ANGPT1: variants seen among roughly 807,000 people sequenced by gnomAD.
ANGPT1 encodes the protein angiopoietin 1, also known as angiopoietin-1.
In ANGPT1, 17 loss-of-function variants were observed where a neutral mutation model predicts 62.2. The ratio of observed to expected loss-of-function variants is 0.27; its 90% CI spans 0.19 to 0.41. ANGPT1 has a LOEUF of 0.41. ANGPT1 is among the 10% of genes least tolerant of loss of function. ANGPT1 has a pLI of 1.00. For synonymous variants in ANGPT1, 199 were observed against 198.9 expected, an observed-to-expected ratio of 1.00 and a Z score of 0.00; for missense variants, 478 against 594.9, an observed-to-expected ratio of 0.80 and a Z score of 2.04.
At position 107,284,707 on chromosome 8, in the gene ANGPT1, T is replaced by C. The variant is rs1317915972; in HGVS notation, c.1180A>G (p.Ile394Val). ...RAYSQYDRFHIGNEKQNYRLY... is the reference protein window; with the variant it reads ...RAYSQYDRFHVGNEKQNYRLY... ...CTATAGTTTTGCTTTTCATTTCCTA[T>C]GTGGAATCTGTCATACTGTGAATAG... Residue 394 changes from isoleucine (I) to valine (V), a missense_variant, in exon 7 of 9, where the codon ATA becomes GTA. Ile to Val is a conservative substitution (Grantham distance 29, BLOSUM62 3). Around this residue, in one of 4 missense-constraint regions of ANGPT1, gnomAD observed 81 missense variants for 117.1 expected, o/e 0.69. Coordinates refer to ENST00000517746, the MANE Select transcript of ANGPT1 (RefSeq NM_001146.5). The C allele has an allele frequency of 1.3e-6, 2 of 1,577,372 alleles. No individual in the cohort carries two copies. Among genetic ancestry groups the C allele is most frequent in the Non-Finnish European group, 1.7e-6 (2 of 1,157,920 alleles).
At chr8:107,352,441 C>T (rs1419557037) in intron 1 of ANGPT1, among the ~76,000 whole-genome samples, 1 of 152,088 alleles carries the variant, frequency 6.6e-6, no homozygotes, top group East Asian at 1.9e-4. Context: ...TGCCCAATGA[C>T]CAGGGGAGAA....
chr8:107,294,042 C>A lies in ANGPT1; in HGVS notation c.937-5G>T. ...GACATCCATATTGCAAAACACCTGACAAATGGAAAACAAAGTCAAGTAAAA... is the reference window on the plus strand; with the variant it reads ...GACATCCATATTGCAAAACACCTGAAAAATGGAAAACAAAGTCAAGTAAAA... On this transcript the variant is annotated splice_polypyrimidine_tract_variant and splice_region_variant and intron_variant, in intron 5 of 8. Transcript: ENST00000517746. The A allele has an allele frequency of 6.2e-7, 1 of 1,603,154 alleles. No individual in the cohort carries two copies. Among genetic ancestry groups the A allele is most frequent in the Middle Eastern group, 1.7e-4 (1 of 6,018 alleles).
intron 1 of ANGPT1, among the ~76,000 whole-genome samples, chr8:107,468,093 T>G (rs529207170): frequency 6.6e-6 from 1 of 152,104 alleles, no homozygotes; most frequent in Non-Finnish European, 1.5e-5. Context: ...GATAATTTCC[T>G]AGAATTATAA....
At chr8:107,268,215 A>G (rs1240765997) in intron 7 of ANGPT1, among the ~76,000 whole-genome samples, 1 of 152,066 alleles carries the variant, frequency 6.6e-6, no homozygotes, top group Non-Finnish European at 1.5e-5. Flanking sequence ...TAACTGATTA[A>G]TTTTTGGTAA....
chr8:107,332,102 C>T (rs1340484778), intron 3 of ANGPT1, among the ~76,000 whole-genome samples: 2 of 152,168 alleles, frequency 1.3e-5, no homozygotes, highest in African/African-American at 4.8e-5. Context: ...ATTAGGACAT[C>T]ATTTCCTGTA....
At chr8:107,308,726 T>G (rs2130000935) in intron 4 of ANGPT1, among the ~76,000 whole-genome samples, 1 of 152,302 alleles carries the variant, frequency 6.6e-6, no homozygotes, top group East Asian at 1.9e-4. Flanking sequence ...GAAGGAATCA[T>G]TATTCATTCT....
chr8:107,322,627 C>T (rs1815181587), intron 3 of ANGPT1: 2 of 208,806 alleles, frequency 9.6e-6, no homozygotes, highest in South Asian at 6.8e-5. Context: ...AGTATATTGA[C>T]CATCTGCAAA....
chr8:107,389,313 A>G (rs1019061387), intron 1 of ANGPT1, among the ~76,000 whole-genome samples: 4 of 152,122 alleles, frequency 2.6e-5, no homozygotes, highest in Admixed American at 6.6e-5. Flanking sequence ...CTGCCCAGCA[A>G]TAGTCCTTGG....
At chr8:107,346,529 T>C (rs899463094) in intron 2 of ANGPT1, among the ~76,000 whole-genome samples, 2 of 152,190 alleles carry the variant, frequency 1.3e-5, no homozygotes, top group African/African-American at 4.8e-5. Context: ...CCTTTCTATC[T>C]GCTGAATGCA....
chr8:107,447,286 C>T (rs1443626324), intron 1 of ANGPT1, among the ~76,000 whole-genome samples: 2 of 152,194 alleles, frequency 1.3e-5, no homozygotes, highest in African/African-American at 2.4e-5. Context: ...AAGGGCTCCC[C>T]ATTCCACTCA....
chr8:107,497,672 C>G lies in ANGPT1; in HGVS notation c.-114G>C. 8.8e-7 allele frequency: 1 copy of G among 1,136,814 alleles called. No homozygotes were observed. Among genetic ancestry groups the G allele is most frequent in the Non-Finnish European group, 1.2e-6 (1 of 830,406 alleles). The allele number at this position is 1,136,814 out of a possible 1,614,324, so 70.4% of individuals were successfully genotyped here. A position where few individuals can be genotyped will look rare whatever the true frequency, so the allele number is the denominator to read the frequency against. ...CTGCTTGTTTGTTTGACTCTTTCCC[C>G]CTCAAAGAAAGCGTTTGAAGAAGAA... On this transcript the variant is annotated 5_prime_UTR_variant, in exon 1 of 9. Transcript: ENST00000517746.
intron 4 of ANGPT1, among the ~76,000 whole-genome samples, chr8:107,319,344 G>C (rs934054577): frequency 6.6e-6 from 1 of 152,010 alleles, no homozygotes; most frequent in African/African-American, 2.4e-5. Flanking sequence ...TAGTGGGTCA[G>C]ATTGAAACCA....
At chr8:107,277,888 A>G (rs1264994086) in intron 7 of ANGPT1, among the ~76,000 whole-genome samples, 1 of 152,178 alleles carries the variant, frequency 6.6e-6, no homozygotes, top group African/African-American at 2.4e-5. Context: ...TGCAAATGCA[A>G]TGAGTGAAGC....
intron 1 of ANGPT1, among the ~76,000 whole-genome samples, chr8:107,383,067 G>A (rs1477092499): frequency 5.9e-5 from 9 of 152,024 alleles, no homozygotes; most frequent in Non-Finnish European, 8.8e-5. Flanking sequence ...AAACTTACAG[G>A]ATCAAGTCTA....
chr8:107,357,642 A>G (rs951511326), intron 1 of ANGPT1, among the ~76,000 whole-genome samples: 49 of 152,324 alleles, frequency 3.2e-4, no homozygotes, highest in African/African-American at 1.1e-3. Context: ...ATGCAAACAC[A>G]TAGCTTATAA....
intron 2 of ANGPT1, among the ~76,000 whole-genome samples, chr8:107,337,848 C>G (rs1388464055): frequency 6.6e-6 from 1 of 152,002 alleles, no homozygotes; most frequent in Non-Finnish European, 1.5e-5. Flanking sequence ...TAATCCCAAC[C>G]CTTTGGGAGG....
chr8:107,484,780 T>C (rs914187126), intron 1 of ANGPT1, among the ~76,000 whole-genome samples: 2 of 152,234 alleles, frequency 1.3e-5, no homozygotes, highest in Non-Finnish European at 2.9e-5. Flanking sequence ...AATTATTTTG[T>C]GCCGAAAGCA....
chr8:107,486,338 A>T (rs531600999), intron 1 of ANGPT1, among the ~76,000 whole-genome samples: 1 of 152,304 alleles, frequency 6.6e-6, no homozygotes, highest in East Asian at 1.9e-4. Context: ...ACTACTGCGT[A>T]ATCCTGGGCA....
chr8:107,300,866 C>T (rs1329717028), intron 5 of ANGPT1, among the ~76,000 whole-genome samples: 2 of 151,904 alleles, frequency 1.3e-5, no homozygotes, highest in African/African-American at 2.4e-5. Context: ...CCTGATGAAA[C>T]CAACCCAGGA....
Sources: allele counts gnomAD v4.1 joint callset (sites outside exome capture counted in the v4.1 genomes callset), GRCh38; gene constraint gnomAD v4.1.1; regional missense constraint gnomAD v4.1.1; transcripts MANE v1.5; gene names NCBI Gene and HGNC (gene_info 2026-07-23, HGNC 2026-07-21).